RABGAP1L: variants seen among roughly 807,000 people sequenced by gnomAD.
RABGAP1L encodes RAB GTPase activating protein 1 like.
RABGAP1L carries 63 observed loss-of-function variants against 137.7 expected under a neutral mutation model. The observed-to-expected ratio is 0.46, with a 90% confidence interval of 0.37 to 0.56. RABGAP1L has a LOEUF of 0.56. RABGAP1L is among the 20% of genes least tolerant of loss of function. RABGAP1L has a pLI of 0.00. For synonymous variants in RABGAP1L, 431 were observed against 433.7 expected (o/e 0.99, Z 0.08); for missense variants, 1,095 against 1,244.0 (o/e 0.88, Z 1.80).
chr1:174,764,728 T>G (rs1431153189), intron 18 of RABGAP1L, among the ~76,000 whole-genome samples: 1 of 152,182 alleles, frequency 6.6e-6, no homozygotes, highest in Admixed American at 6.5e-5. Context: ...TGCCTCAGCC[T>G]CCAAAGTAGC....
intron 18 of RABGAP1L, among the ~76,000 whole-genome samples, chr1:174,759,475 G>T (rs1294017627): frequency 1.3e-5 from 2 of 151,500 alleles, no homozygotes; most frequent in Non-Finnish European, 2.9e-5. Flanking sequence ...TGTGCCTGTA[G>T]TCCCAGCTAC....
chr1:174,349,556 C>T (rs1290212362), intron 11 of RABGAP1L, among the ~76,000 whole-genome samples: 58 of 134,962 alleles, frequency 4.3e-4, no homozygotes, highest in Admixed American at 7.1e-4. Context: ...CCTCACCTCC[C>T]GGACGGGGCC....
chr1:174,733,179 G>A (rs78201378), intron 17 of RABGAP1L, among the ~76,000 whole-genome samples: 2,346 of 152,120 alleles, frequency 0.015, 174 homozygotes, highest in Admixed American at 0.13. Flanking sequence ...AGGAGGAAGC[G>A]GTCAGACTTC....
chr1:174,416,773 A>G (rs1345668336), intron 13 of RABGAP1L, among the ~76,000 whole-genome samples: 2 of 152,166 alleles, frequency 1.3e-5, no homozygotes, highest in African/African-American at 4.8e-5. Flanking sequence ...GAGAATTACT[A>G]TATAAGAGAG....
chr1:174,203,272 C>T (rs1221473026), intron 1 of RABGAP1L, among the ~76,000 whole-genome samples: 1 of 152,020 alleles, frequency 6.6e-6, no homozygotes, highest in Non-Finnish European at 1.5e-5. Flanking sequence ...AGTCTTTTCC[C>T]CATTGCTCAT....
intron 13 of RABGAP1L, among the ~76,000 whole-genome samples, chr1:174,566,525 C>T (rs1667599044): frequency 6.6e-6 from 1 of 152,138 alleles, no homozygotes; most frequent in Admixed American, 6.6e-5. Flanking sequence ...GGAACCATAG[C>T]TTTCAGTGTA....
intron 13 of RABGAP1L, among the ~76,000 whole-genome samples, chr1:174,604,858 A>G (rs1226115918): frequency 6.6e-6 from 1 of 152,208 alleles, no homozygotes; most frequent in Non-Finnish European, 1.5e-5. Flanking sequence ...CTCTTGTAAA[A>G]TTAGGCTGGG....
intron 13 of RABGAP1L, among the ~76,000 whole-genome samples, chr1:174,398,076 C>A (rs993248655): frequency 1.6e-4 from 25 of 152,180 alleles, no homozygotes; most frequent in South Asian, 4.1e-4. Context: ...TTCCATCATT[C>A]TCACGGATAT....
intron 19 of RABGAP1L, chr1:174,948,755 A>G (rs1250507748): frequency 2.0e-5 from 3 of 152,092 alleles, no homozygotes; most frequent in Admixed American, 1.3e-4. Flanking sequence ...TTTAGGGTGA[A>G]TGTGCTCGAT....
intron 4 of RABGAP1L, among the ~76,000 whole-genome samples, chr1:174,238,643 G>A (rs1002680768): frequency 2.4e-4 from 36 of 149,960 alleles, no homozygotes; most frequent in African/African-American, 7.2e-4. Context: ...CTCCAGCTGC[G>A]TGCTGGGAGA....
intron 1 of RABGAP1L, among the ~76,000 whole-genome samples, chr1:174,176,711 C>CAAAAAAAAAAA (rs1558005321): frequency 9.4e-5 from 1 of 10,614 alleles, no homozygotes; most frequent in African/African-American, 5.2e-4. Flanking sequence ...GACCCTTTTT[C>CAAAAAAAAAAA]AGAAAAAAAA....
At chr1:174,943,842 G>A (rs1300277143) in intron 19 of RABGAP1L, among the ~76,000 whole-genome samples, 1 of 151,724 alleles carries the variant, frequency 6.6e-6, no homozygotes, top group African/African-American at 2.4e-5. Flanking sequence ...CAAAAAAAAA[G>A]ACTTTCTCCC....
chr1:174,237,004 A>G (rs1188693174), intron 4 of RABGAP1L, among the ~76,000 whole-genome samples: 46 of 110,920 alleles, frequency 4.1e-4, no homozygotes, highest in South Asian at 3.6e-3. Flanking sequence ...TGTTGAATTG[A>G]TCCCTTTACC....
chr1:174,278,878 C>A (rs1675244088), intron 10 of RABGAP1L, 99 bp downstream of exon 10: 1 of 1,031,630 alleles, frequency 9.7e-7, no homozygotes, highest in Non-Finnish European at 1.3e-6. Context: ...CAAAACAATA[C>A]AATTCCTCAA....
chr1:174,615,153 TC>T (rs1671691647), intron 13 of RABGAP1L, among the ~76,000 whole-genome samples: 1 of 152,232 alleles, frequency 6.6e-6, no homozygotes, highest in African/African-American at 2.4e-5. Flanking sequence ...GAAGAGGTGC[TC>T]TGCTTTTTAC....
chr1:174,957,601 G>T, intron 20 of RABGAP1L, 52 bp downstream of exon 20: 1 of 1,467,614 alleles, frequency 6.8e-7, no homozygotes, highest in Middle Eastern at 1.7e-4. Flanking sequence ...TGTTTTAAAT[G>T]AGACTGAGTC....
intron 13 of RABGAP1L, among the ~76,000 whole-genome samples, chr1:174,453,776 T>G (rs765239783): frequency 1.3e-5 from 2 of 152,216 alleles, no homozygotes; most frequent in Non-Finnish European, 2.9e-5. Flanking sequence ...TTCTCATAAA[T>G]GGAAGTTTGA....
chr1:174,355,017 A>C, intron 11 of RABGAP1L, among the ~76,000 whole-genome samples: 1 of 152,142 alleles, frequency 6.6e-6, no homozygotes, highest in East Asian at 1.9e-4. Flanking sequence ...TGTTGGTGGG[A>C]CTGTAAACTA....
At chr1:174,384,008 C>T (rs1421851870) in intron 12 of RABGAP1L, among the ~76,000 whole-genome samples, 3 of 152,158 alleles carry the variant, frequency 2.0e-5, no homozygotes, top group Non-Finnish European at 2.9e-5. Context: ...CTCATAATCA[C>T]CCCAAACTGC....
Sources: gnomAD v4.1 joint callset for allele counts (sites outside exome capture counted in the v4.1 genomes callset) on GRCh38, gnomAD v4.1.1 for gene constraint, MANE v1.5 for transcripts, NCBI Gene and HGNC (gene_info 2026-07-23, HGNC 2026-07-21) for gene names.